Variants in CNTNAP2 observed in about 807,000 individuals in gnomAD.
The protein encoded by CNTNAP2 is contactin-associated protein-like 2.
In CNTNAP2, 98 loss-of-function variants were observed where a neutral mutation model predicts 155.2. That is an observed-to-expected ratio of 0.63 (90% CI 0.54 to 0.75). CNTNAP2 has a LOEUF of 0.75. CNTNAP2 is among the 30% of genes least tolerant of loss of function. CNTNAP2 has a pLI of 0.00. For synonymous variants in CNTNAP2, 651 were observed against 631.2 expected, an observed-to-expected ratio of 1.03 and a Z score of -0.47; for missense variants, 1,727 against 1,688.1, an observed-to-expected ratio of 1.02 and a Z score of -0.40.
rs562142794 is a variant in CNTNAP2, at chr7:146,299,189, T to A, written c.97+182216T>A. Among the ~76,000 whole-genome samples the A allele has an allele frequency of 2.1e-4, 32 of 152,166 alleles. No homozygotes were observed. In the East Asian group the frequency reaches 5.8e-3, roughly 28 times the overall value. ...GGGAGGGTGAGCCAGGAGAATTGCT[T>A]GAACCCAGGAGGTGGAGGTTGCAGT... On this transcript the variant is annotated intron_variant, in intron 1 of 23. Transcript: ENST00000361727.
In CNTNAP2 at chr7:147,034,062, G is replaced by A. The variant is rs530171317; in HGVS notation, c.403-9845G>A. Among the ~76,000 whole-genome samples the A allele has an allele frequency of 5.9e-5, 9 of 152,180 alleles. 1 individual carries two copies. The East Asian group carries it at 9.7e-4, about 16-fold the overall frequency. On this transcript the variant is annotated intron_variant, in intron 3 of 23. Transcript: ENST00000361727. The stretch of plus-strand genomic sequence containing the variant: ...CTCCTTAATTATATGCTAAATAAGG[G>A]CCAGGTAATTCATGAATTTTCTAGA...
Position 146,364,193 on chromosome 7 carries a change from G to A in CNTNAP2, c.97+247220G>A, listed in dbSNP as rs559969948. On this transcript the variant is annotated intron_variant, in intron 1 of 23. Coordinates refer to ENST00000361727, the MANE Select transcript of CNTNAP2 (RefSeq NM_014141.6). ...TTAATTAACAGGCAGTGGATCTTAG[G>A]CTCAGAAGAATTAAGTGATTTGCCC... is the stretch of plus-strand genomic sequence containing the variant. 3.9e-5 allele frequency among the ~76,000 whole-genome samples: 6 copies of A among 152,118 alleles called. No homozygotes were observed. The South Asian group carries it at 1.2e-3, about 32-fold the overall frequency.
intron 8 of CNTNAP2, among the ~76,000 whole-genome samples, chr7:147,197,048 G>T (rs183932176): frequency 2.0e-5 from 3 of 152,068 alleles, no homozygotes; most frequent in African/African-American, 7.2e-5. Context: ...TGGAGGATAC[G>T]CCCTTTGCAA....
chr7:148,139,775 A>G (rs147858559), intron 16 of CNTNAP2, among the ~76,000 whole-genome samples: 11,577 of 152,094 alleles, frequency 0.076, 789 homozygotes, highest in African/African-American at 0.19. Context: ...TCCTGACCTC[A>G]TAAGCCACCC....
chr7:146,677,773 T>C (rs986407508), intron 1 of CNTNAP2, among the ~76,000 whole-genome samples: 1 of 152,006 alleles, frequency 6.6e-6, no homozygotes, highest in Non-Finnish European at 1.5e-5. Flanking sequence ...ATTGATTAGC[T>C]ATACGTTGTT....
At chr7:147,765,542 G>A (rs957315615) in intron 13 of CNTNAP2, among the ~76,000 whole-genome samples, 1 of 152,148 alleles carries the variant, frequency 6.6e-6, no homozygotes, top group African/African-American at 2.4e-5. Context: ...ATACCATGAT[G>A]CATCCCAGAA....
intron 3 of CNTNAP2, among the ~76,000 whole-genome samples, chr7:146,908,135 A>C (rs1249169884): frequency 6.6e-6 from 1 of 152,146 alleles, no homozygotes; most frequent in Admixed American, 6.5e-5. Context: ...ATACAGGAGC[A>C]CCCAGATTCA....
At chr7:148,285,081 T>C (rs932473543) in intron 21 of CNTNAP2, among the ~76,000 whole-genome samples, 4 of 152,238 alleles carry the variant, frequency 2.6e-5, no homozygotes, top group African/African-American at 9.6e-5. Context: ...ATAATCCTGC[T>C]ATAAAAAGCA....
At chr7:147,275,481 G>A (rs992634868) in intron 8 of CNTNAP2, among the ~76,000 whole-genome samples, 2 of 151,744 alleles carry the variant, frequency 1.3e-5, no homozygotes, top group African/African-American at 2.4e-5. Flanking sequence ...TTCTCAGCTC[G>A]AATGCTATTG....
intron 1 of CNTNAP2, among the ~76,000 whole-genome samples, chr7:146,647,121 A>G (rs1799825687): frequency 6.6e-6 from 1 of 152,182 alleles, no homozygotes; most frequent in Non-Finnish European, 1.5e-5. Context: ...TGAAGGGATA[A>G]CAAGAGGCAG....
chr7:147,616,718 A>T (rs969566081), intron 12 of CNTNAP2, among the ~76,000 whole-genome samples: 9 of 152,132 alleles, frequency 5.9e-5, no homozygotes, highest in African/African-American at 2.2e-4. Context: ...TAAGTAAGTA[A>T]AATAAACGTG....
chr7:147,457,635 T>C (rs1054042049), intron 10 of CNTNAP2, among the ~76,000 whole-genome samples: 4 of 152,102 alleles, frequency 2.6e-5, no homozygotes, highest in Non-Finnish European at 5.9e-5. Flanking sequence ...TGCCATATGA[T>C]AGGCATCCAC....
Position 147,355,235 on chromosome 7 carries a change from G to C in CNTNAP2, c.1499-40374G>C, listed in dbSNP as rs1238517495. Among the ~76,000 whole-genome samples, 17 of 152,008 alleles carry C rather than the reference G, an allele frequency of 1.1e-4. No individual in the cohort carries two copies. In the East Asian group the frequency reaches 3.3e-3, roughly 29 times the overall value. Reference sequence around the variant, plus strand: ...TAAGGCAGAAATAAATAAGTTATTTGAAACCAATGGGAACAAAAACACAAT... The same window carrying C: ...TAAGGCAGAAATAAATAAGTTATTTCAAACCAATGGGAACAAAAACACAAT... On this transcript the variant is annotated intron_variant, in intron 9 of 23. Transcript: ENST00000361727.
intron 10 of CNTNAP2, among the ~76,000 whole-genome samples, chr7:147,456,725 A>C (rs1354917171): frequency 6.6e-6 from 1 of 152,196 alleles, no homozygotes; most frequent in Non-Finnish European, 1.5e-5. Context: ...CACAGGAAAA[A>C]AAATACAATC....
chr7:147,037,174 A>T (rs1046042289), intron 3 of CNTNAP2, among the ~76,000 whole-genome samples: 4 of 152,114 alleles, frequency 2.6e-5, no homozygotes, highest in Non-Finnish European at 5.9e-5. Context: ...GGAGAGAAGT[A>T]AAATATGAAC....
At chr7:147,185,233 A>G (rs1478101148) in intron 8 of CNTNAP2, among the ~76,000 whole-genome samples, 1 of 152,184 alleles carries the variant, frequency 6.6e-6, no homozygotes, top group Non-Finnish European at 1.5e-5. Context: ...TAATAAAAAG[A>G]CCAAAAGCAA....
At chr7:148,332,225 T>C (rs1798040056) in intron 21 of CNTNAP2, among the ~76,000 whole-genome samples, 1 of 151,452 alleles carries the variant, frequency 6.6e-6, no homozygotes. Context: ...ATAATTCCTA[T>C]AATTATTTTT....
At chr7:147,645,807 C>T (rs547810110) in intron 13 of CNTNAP2, among the ~76,000 whole-genome samples, 2 of 152,126 alleles carry the variant, frequency 1.3e-5, no homozygotes, top group African/African-American at 4.8e-5. Context: ...TCTGGGTTAG[C>T]GATGTCAGCA....
chr7:146,217,478 A>T (rs1013655825), intron 1 of CNTNAP2, among the ~76,000 whole-genome samples: 1 of 152,180 alleles, frequency 6.6e-6, no homozygotes, highest in Non-Finnish European at 1.5e-5. Flanking sequence ...GGTAATAAAC[A>T]TAGTACCCAA....
Sources: allele counts gnomAD v4.1 joint callset (sites outside exome capture counted in the v4.1 genomes callset), GRCh38; gene constraint gnomAD v4.1.1; transcripts MANE v1.5; gene names NCBI Gene and HGNC (gene_info 2026-07-23, HGNC 2026-07-21).